Variants in ZBTB40 observed in about 807,000 individuals in gnomAD.
The protein encoded by ZBTB40 is zinc finger and BTB domain-containing protein 40.
ZBTB40 carries 60 observed loss-of-function variants against 117.5 expected under a neutral mutation model. The ratio of observed to expected loss-of-function variants is 0.51; its 90% CI spans 0.41 to 0.63. The LOEUF is 0.63. Ranked by LOEUF, ZBTB40 falls within the 30% of genes least tolerant of loss-of-function variation. The pLI, the probability that ZBTB40 is intolerant of heterozygous loss-of-function variation, is 0.00. For synonymous variants in ZBTB40, 525 were observed against 577.1 expected (o/e 0.91, Z 1.29); for missense variants, 1,287 against 1,498.5 (o/e 0.86, Z 2.33).
At chr1:22,517,612 C>T in intron 13 of ZBTB40, 148 bp downstream of exon 13, 2 of 894,248 alleles carry the variant, frequency 2.2e-6, no homozygotes, top group Non-Finnish European at 3.3e-6. Flanking sequence ...CAGAGTCCCT[C>T]ATTCCTAGTT....
upstream of ZBTB40, among the ~76,000 whole-genome samples, chr1:22,448,818 A>T (rs568625434): frequency 2.8e-5 from 4 of 143,476 alleles, no homozygotes; most frequent in Admixed American, 2.8e-4. Context: ...TTTTCTTTTT[A>T]AATTTTTTTT....
intron 12 of ZBTB40, 113 bp from the exon 13 acceptor site, chr1:22,517,187 A>T: frequency 6.8e-7 from 1 of 1,468,614 alleles, no homozygotes; most frequent in Non-Finnish European, 9.4e-7. Flanking sequence ...CTGATGTTTT[A>T]ATGTCATCTA....
chr1:22,433,436 A>AAACAAAAACAAAAACAAAAAC lies in ZBTB40; in HGVS notation c.-70+4424_-70+4425insCAAAAACAAAAACAAAAACAA, dbSNP rs1343618906. On this transcript the variant is annotated intron_variant, in intron 1 of 8. Coordinates refer to the ZBTB40 transcript ENST00000650433. Reference sequence around the variant, plus strand: ...CGACAGAGCAAGACGCCCTCTCAAAAAAAAAAAAAAAAAAAAAAAAAGACA... The same window carrying AAACAAAAACAAAAACAAAAAC: ...CGACAGAGCAAGACGCCCTCTCAAAAAACAAAAACAAAAACAAAAACAAAAAAAAAAAAAAAAAAAAAGACA... Among the ~76,000 whole-genome samples the AAACAAAAACAAAAACAAAAAC allele has an allele frequency of 4.1e-3, 528 of 128,644 alleles. 19 individuals carry two copies. The highest frequency in any genetic ancestry group is 0.011 in the African/African-American group (389 of 36,362). The allele number at this position is 128,644 out of a possible 152,430, so 84.4% of individuals were successfully genotyped here. A position where few individuals can be genotyped will look rare whatever the true frequency, so the allele number is the denominator to read the frequency against.
At chr1:22,509,766 G>T (rs1370980146) in intron 9 of ZBTB40, among the ~76,000 whole-genome samples, 2 of 152,164 alleles carry the variant, frequency 1.3e-5, no homozygotes, top group African/African-American at 4.8e-5. Flanking sequence ...GGGTTCTCAG[G>T]CCCCAAAGGG....
At chr1:22,516,627 A>G (rs1486172287) in intron 12 of ZBTB40, among the ~76,000 whole-genome samples, 4 of 152,000 alleles carry the variant, frequency 2.6e-5, no homozygotes, top group African/African-American at 9.7e-5. Context: ...GTTGTGGTAG[A>G]CCCTGGGATC....
At chr1:22,518,029 C>T (rs796380061) in intron 13 of ZBTB40, among the ~76,000 whole-genome samples, 2 of 152,148 alleles carry the variant, frequency 1.3e-5, no homozygotes, top group South Asian at 2.1e-4. Flanking sequence ...TGCGTGCATG[C>T]GTGGGCACAC....
Position 22,517,382 on chromosome 1 carries a change from G to A in ZBTB40, c.2751G>A (p.Gly917=). 1 of 1,614,192 alleles carries A rather than the reference G, an allele frequency of 6.2e-7. No individual in the cohort carries two copies. Among genetic ancestry groups the A allele is most frequent in the Non-Finnish European group, 8.5e-7 (1 of 1,180,042 alleles). Residue 917 remains glycine (G), a synonymous_variant, in exon 13 of 18, where the codon GGG becomes GGA. Coordinates refer to ENST00000375647, the MANE Select transcript of ZBTB40 (RefSeq NM_014870.4). ...CCCGCCACGTGAGGACCCACACCGGGGACAAGCCCTATGTCTGCAGAGACT... is the reference window on the plus strand; with the variant it reads ...CCCGCCACGTGAGGACCCACACCGGAGACAAGCCCTATGTCTGCAGAGACT... ...ELSRHVRTHT[G]DKPYVCRDCG...
chr1:22,508,158 G>C (rs1490440400), intron 7 of ZBTB40, 21 bp downstream of exon 7: 1 of 1,612,080 alleles, frequency 6.2e-7, no homozygotes, highest in African/African-American at 1.3e-5. Flanking sequence ...GAGAGAAACA[G>C]AGGGAGGGGA....
chr1:22,492,963 C>T (rs1638673026), intron 3 of ZBTB40, among the ~76,000 whole-genome samples: 1 of 152,224 alleles, frequency 6.6e-6, no homozygotes, highest in African/African-American at 2.4e-5. Flanking sequence ...TTCCTCTCCA[C>T]TTAACTTTGG....
intron 3 of ZBTB40, among the ~76,000 whole-genome samples, chr1:22,500,765 T>C (rs1638908374): frequency 6.6e-6 from 1 of 152,208 alleles, no homozygotes; most frequent in African/African-American, 2.4e-5. Flanking sequence ...GTAATTAACA[T>C]GTGAGTCATA....
In ZBTB40 at chr1:22,444,699, C is replaced by A. The variant is rs138230882; in HGVS notation, c.-70+15685C>A. ...TGCTCCCCTCCCAAGTGCTGGCAGG[C>A]CACTGCTCATGCAGACAGCCCACCC... is the stretch of plus-strand genomic sequence containing the variant. On this transcript the variant is annotated intron_variant, in intron 1 of 8. Coordinates refer to the ZBTB40 transcript ENST00000650433. 8.8e-3 allele frequency among the ~76,000 whole-genome samples: 1,346 copies of A among 152,238 alleles called. 9 individuals are homozygous for A. The highest frequency in any genetic ancestry group is 0.031 in the African/African-American group (1,276 of 41,512).
chr1:22,489,407 G>A (rs1347462415), intron 1 of ZBTB40, among the ~76,000 whole-genome samples: 1 of 152,088 alleles, frequency 6.6e-6, no homozygotes, highest in African/African-American at 2.4e-5. Flanking sequence ...GATGACCTCC[G>A]TCCCTTGTTA....
intron 6 of ZBTB40, among the ~76,000 whole-genome samples, chr1:22,507,362 A>G (rs1414388738): frequency 6.6e-6 from 1 of 152,220 alleles, no homozygotes; most frequent in East Asian, 1.9e-4. Context: ...ATCATCGGCA[A>G]AGATTATGCT....
chr1:22,476,652 A>G (rs751351979), intron 1 of ZBTB40, among the ~76,000 whole-genome samples: 2 of 152,228 alleles, frequency 1.3e-5, no homozygotes, highest in African/African-American at 2.4e-5. Flanking sequence ...TTGGGTCATT[A>G]TGCGGCACTT....
In ZBTB40 at chr1:22,526,367, G is replaced by GT. The variant is rs1402001576; in HGVS notation, c.3692dup (p.Thr1232AspfsTer6). On this transcript the variant is annotated frameshift_variant, in exon 18 of 18. Coordinates refer to ENST00000375647, the MANE Select transcript of ZBTB40 (RefSeq NM_014870.4). LOFTEE classifies it high-confidence loss of function. ...TGTGGAGGACTTGCTGGATGGCACA[G>GT]TGACGCTGATCTGTGGTGAGGCCAA... 1 of 1,614,194 alleles carries GT rather than the reference G, an allele frequency of 6.2e-7. No homozygotes were observed. Among genetic ancestry groups the GT allele is most frequent in the Non-Finnish European group, 8.5e-7 (1 of 1,180,030 alleles).
chr1:22,504,457 A>T (rs889781178), intron 5 of ZBTB40, among the ~76,000 whole-genome samples: 1 of 152,178 alleles, frequency 6.6e-6, no homozygotes, highest in Non-Finnish European at 1.5e-5. Context: ...GACATCATGG[A>T]TATTACTCTT....
intron 5 of ZBTB40, among the ~76,000 whole-genome samples, chr1:22,503,741 G>GT (rs1307834114): frequency 6.6e-6 from 1 of 151,860 alleles, no homozygotes; most frequent in Non-Finnish European, 1.5e-5. Flanking sequence ...TTAAACTTCT[G>GT]TTTTTTTTCT....
intron 9 of ZBTB40, among the ~76,000 whole-genome samples, chr1:22,510,410 G>A (rs755920809): frequency 6.6e-6 from 1 of 152,200 alleles, no homozygotes; most frequent in African/African-American, 2.4e-5. Context: ...TTCTGCAGTT[G>A]ATCAGTTTTA....
chr1:22,521,369 G>A (rs969006192), intron 14 of ZBTB40, 127 bp from the exon 15 acceptor site: 1 of 1,188,728 alleles, frequency 8.4e-7, no homozygotes, highest in Non-Finnish European at 1.2e-6. Context: ...GGTGTGATAG[G>A]TAAGAGTGTG....
Sources: allele counts gnomAD v4.1 joint callset (sites outside exome capture counted in the v4.1 genomes callset), GRCh38; gene constraint gnomAD v4.1.1; transcripts MANE v1.5; gene names NCBI Gene and HGNC (gene_info 2026-07-23, HGNC 2026-07-21).